Variants in WWP1 observed in about 807,000 individuals in gnomAD.
WWP1 encodes NEDD4-like E3 ubiquitin-protein ligase WWP1.
WWP1 carries 49 observed loss-of-function variants against 130.6 expected under a neutral mutation model. The ratio of observed to expected loss-of-function variants is 0.38; its 90% confidence interval spans 0.30 to 0.48. The LOEUF (loss-of-function observed/expected upper bound fraction) is 0.48. Among genes scored for constraint, WWP1 ranks in the 20% least tolerant of loss-of-function variants. The pLI is 0.99. For missense variants in WWP1, 809 were observed against 1,100.6 expected (o/e 0.74, Z 3.75); for synonymous variants, 332 against 367.8 (o/e 0.90, Z 1.11).
At chr8:86,365,803 A>G (rs565869032) in intron 1 of WWP1, among the ~76,000 whole-genome samples, 1 of 152,332 alleles carries the variant, frequency 6.6e-6, no homozygotes, top group East Asian at 1.9e-4. Context: ...CTCTATTTAT[A>G]TATAAAAAGC....
intron 14 of WWP1, among the ~76,000 whole-genome samples, chr8:86,434,684 C>T (rs1810190312): frequency 6.6e-6 from 1 of 152,068 alleles, no homozygotes; most frequent in Admixed American, 6.6e-5. Flanking sequence ...TATATAAGCT[C>T]CACAAAACAG....
intron 1 of WWP1, among the ~76,000 whole-genome samples, chr8:86,357,872 G>A (rs1435372755): frequency 4.6e-5 from 7 of 152,212 alleles, no homozygotes; most frequent in African/African-American, 1.7e-4. Context: ...TCCTTGTAAA[G>A]TATTAACAAT....
intron 2 of WWP1, among the ~76,000 whole-genome samples, chr8:86,372,109 C>T (rs376292875): frequency 2.7e-5 from 4 of 148,432 alleles, no homozygotes; most frequent in South Asian, 2.1e-4. Context: ...CTGCAAGCTC[C>T]GCCTCCCGGG....
At position 86,466,305 on chromosome 8, in the gene WWP1, CAAAG is replaced by C. The variant is rs1264408045; in HGVS notation, c.2670-485_2670-482del. On this transcript the variant is annotated intron_variant, in intron 24 of 24. Coordinates refer to ENST00000517970, the MANE Select transcript of WWP1 (RefSeq NM_007013.4). ...TATGTGGTTAGATTATTTGAAAAGACAAAGAAACATATATATTTGTTAATTGACT... is the reference window on the plus strand; with the variant it reads ...TATGTGGTTAGATTATTTGAAAAGACAAACATATATATTTGTTAATTGACT... Among the ~76,000 whole-genome samples the C allele has an allele frequency of 3.9e-5, 6 of 152,100 alleles. 1 individual carries two copies. The Middle Eastern group carries it at 0.014, about 345-fold the overall frequency.
chr8:86,376,395 C>T (rs1050208951), intron 3 of WWP1, among the ~76,000 whole-genome samples: 4 of 151,972 alleles, frequency 2.6e-5, no homozygotes, highest in East Asian at 3.9e-4. Flanking sequence ...ATGGTGAAAC[C>T]CCATCTCTAC....
intron 7 of WWP1, among the ~76,000 whole-genome samples, chr8:86,399,826 G>T (rs543861158): frequency 1.3e-5 from 2 of 152,236 alleles, no homozygotes; most frequent in East Asian, 1.9e-4. Context: ...CTGGGGAGGG[G>T]TATACAAATC....
At chr8:86,439,342 C>CA (rs59635746) in intron 17 of WWP1, among the ~76,000 whole-genome samples, 4,042 of 127,020 alleles carry the variant, frequency 0.032, 133 homozygotes, top group African/African-American at 0.08. Flanking sequence ...GACGCTGTGT[C>CA]AAAAAAAAAA....
chr8:86,461,430 G>A, intron 23 of WWP1, 110 bp downstream of exon 23: 1 of 943,768 alleles, frequency 1.1e-6, no homozygotes. Flanking sequence ...TGTGCTGTAG[G>A]TAGGGCTTCA....
At chr8:86,370,815 C>T (rs1824242847) in intron 2 of WWP1, among the ~76,000 whole-genome samples, 1 of 113,982 alleles carries the variant, frequency 8.8e-6, no homozygotes, top group Non-Finnish European at 1.8e-5. Context: ...TGTTCTTTTT[C>T]TTAGATATAT....
chr8:86,402,213 G>C lies in WWP1; in HGVS notation c.724+10G>C. 6.2e-7 allele frequency: 1 copy of C among 1,610,994 alleles called. No homozygotes were observed. Among genetic ancestry groups the C allele is most frequent in the Non-Finnish European group, 8.5e-7 (1 of 1,178,542 alleles). On this transcript the variant is annotated intron_variant, in intron 8 of 24. Coordinates refer to ENST00000517970, the MANE Select transcript of WWP1 (RefSeq NM_007013.4). ...CCTGCCGATGACACTGGTAAGCAAG[G>C]CTATTTATGACACCTTGTTTAAAGG...
At chr8:86,368,819 CCTTT>C (rs1242870305) in intron 1 of WWP1, 116 bp from the exon 2 acceptor site, 1 of 152,120 alleles carries the variant, frequency 6.6e-6, no homozygotes, top group African/African-American at 2.4e-5. Flanking sequence ...CTCTGTGATC[CCTTT>C]CTTGATCCCT....
chr8:86,365,410 A>C (rs1823915312), intron 1 of WWP1, among the ~76,000 whole-genome samples: 1 of 152,202 alleles, frequency 6.6e-6, no homozygotes, highest in African/African-American at 2.4e-5. Flanking sequence ...TTTAGGTTCC[A>C]CATTTATTGG....
chr8:86,428,273 T>C (rs1172248742), intron 11 of WWP1, among the ~76,000 whole-genome samples: 2 of 152,190 alleles, frequency 1.3e-5, no homozygotes, highest in Non-Finnish European at 2.9e-5. Flanking sequence ...ATCAAAGATA[T>C]TTCTAGAACT....
At chr8:86,359,814 C>T (rs62509414) in intron 1 of WWP1, among the ~76,000 whole-genome samples, 47,795 of 151,758 alleles carry the variant, frequency 0.31, 9,111 homozygotes, top group Middle Eastern at 0.45. Context: ...CTTTGGGAGG[C>T]GGAGGCGGGC....
intron 18 of WWP1, among the ~76,000 whole-genome samples, chr8:86,443,150 G>A (rs775093173): frequency 1.3e-5 from 2 of 152,124 alleles, no homozygotes; most frequent in African/African-American, 2.4e-5. Flanking sequence ...TCAGCTAACT[G>A]CAACCTCCAC....
At chr8:86,454,758 C>T (rs925440252) in intron 21 of WWP1, among the ~76,000 whole-genome samples, 1 of 151,942 alleles carries the variant, frequency 6.6e-6, no homozygotes, top group Non-Finnish European at 1.5e-5. Flanking sequence ...AGTTTATGTA[C>T]CCTTGGCAGG....
At chr8:86,423,705 A>G (rs1809370508) in intron 9 of WWP1, among the ~76,000 whole-genome samples, 1 of 151,996 alleles carries the variant, frequency 6.6e-6, no homozygotes, top group African/African-American at 2.4e-5. Flanking sequence ...AACCGCCATC[A>G]TCATCATGGC....
intron 5 of WWP1, among the ~76,000 whole-genome samples, chr8:86,385,413 G>A (rs757133332): frequency 2.0e-5 from 3 of 152,030 alleles, no homozygotes; most frequent in Non-Finnish European, 2.9e-5. Context: ...AGAGAACAGC[G>A]AAAGACAATC....
At chr8:86,433,004 G>A (rs1029465452) in intron 14 of WWP1, among the ~76,000 whole-genome samples, 1 of 152,106 alleles carries the variant, frequency 6.6e-6, no homozygotes, top group Non-Finnish European at 1.5e-5. Context: ...CAACTCCAAG[G>A]AAGTTCCCCT....
Sources: allele counts gnomAD v4.1 joint callset (sites outside exome capture counted in the v4.1 genomes callset), GRCh38; gene constraint gnomAD v4.1.1; transcripts MANE v1.5; gene names NCBI Gene and HGNC (gene_info 2026-07-23, HGNC 2026-07-21).